Variants in COL24A1 observed in about 807,000 individuals in gnomAD.
COL24A1 encodes collagen alpha-1(XXIV) chain.
Under a neutral mutation model 253.9 loss-of-function variants are expected in COL24A1, and 224 were observed. The ratio of observed to expected loss-of-function variants is 0.88; its 90% CI spans 0.79 to 0.99. The LOEUF (loss-of-function observed/expected upper bound fraction) is 0.99. Ranked by LOEUF, COL24A1 falls within the 50% of genes least tolerant of loss-of-function variation. The probability of loss-of-function intolerance (pLI) is 0.00; values close to 1 mark genes in which losing one functional copy is unlikely to be tolerated. For missense variants in COL24A1, 2,131 were observed against 2,068.5 expected, an observed-to-expected ratio of 1.03 and a Z score of -0.59; for synonymous variants, 685 against 673.7, an observed-to-expected ratio of 1.02 and a Z score of -0.26.
intron 32 of COL24A1, among the ~76,000 whole-genome samples, chr1:85,877,722 G>A (rs572851429): frequency 5.4e-4 from 82 of 152,186 alleles, no homozygotes; most frequent in African/African-American, 1.9e-3. Flanking sequence ...GAAAAGAGTG[G>A]CATTCATTCT....
intron 43 of COL24A1, among the ~76,000 whole-genome samples, chr1:85,837,525 C>T (rs150412821): frequency 1.7e-3 from 262 of 152,158 alleles, no homozygotes; most frequent in African/African-American, 5.6e-3. Flanking sequence ...TTATTAAAAG[C>T]TTATTATGTA....
At position 85,953,306 on chromosome 1, in the gene COL24A1, T is replaced by G. The variant is rs1386935552; in HGVS notation, c.2562+7943A>C. On this transcript the variant is annotated intron_variant, in intron 24 of 59. Transcript: ENST00000370571. ...CTGCCATTTCCTCGAAAGTTGTGAT[T>G]AACACTTTATAATATCCCTACCTAA... Among the ~76,000 whole-genome samples the G allele has an allele frequency of 3.9e-5, 6 of 152,304 alleles. No individual in the cohort carries two copies. The East Asian group carries it at 1.2e-3, about 29-fold the overall frequency.
chr1:86,061,263 G>C (rs922129995), intron 8 of COL24A1, among the ~76,000 whole-genome samples: 4 of 151,954 alleles, frequency 2.6e-5, no homozygotes, highest in African/African-American at 9.7e-5. Flanking sequence ...CTTCCTATAT[G>C]CCCCATCCAA....
intron 43 of COL24A1, among the ~76,000 whole-genome samples, chr1:85,834,103 A>G (rs1256287480): frequency 6.6e-6 from 1 of 152,030 alleles, no homozygotes; most frequent in Non-Finnish European, 1.5e-5. Context: ...GTACCCTAAA[A>G]CTTAAAGTAT....
chr1:85,874,409 C>G (rs925385720), intron 35 of COL24A1, among the ~76,000 whole-genome samples: 1 of 152,118 alleles, frequency 6.6e-6, no homozygotes, highest in Non-Finnish European at 1.5e-5. Flanking sequence ...GGTAAGGGTT[C>G]TGCAAAGTAT....
At chr1:85,836,205 G>A (rs313705) in intron 43 of COL24A1, among the ~76,000 whole-genome samples, 57,153 of 151,968 alleles carry the variant, frequency 0.38, 11,746 homozygotes, top group East Asian at 0.58. Context: ...CCCGTGTTAC[G>A]TATAATTTAT....
intron 19 of COL24A1, among the ~76,000 whole-genome samples, chr1:86,005,597 A>G (rs1020779970): frequency 6.6e-6 from 1 of 152,120 alleles, no homozygotes; most frequent in African/African-American, 2.4e-5. Context: ...CAGAGAAGAA[A>G]TAACAGACCT....
intron 5 of COL24A1, among the ~76,000 whole-genome samples, chr1:86,105,185 G>A (rs1383610119): frequency 1.3e-5 from 2 of 152,184 alleles, no homozygotes; most frequent in African/African-American, 4.8e-5. Flanking sequence ...GGCTCCAGCT[G>A]CAATAGCGGT....
intron 57 of COL24A1, among the ~76,000 whole-genome samples, chr1:85,741,302 T>A (rs1158075691): frequency 6.6e-6 from 1 of 152,164 alleles, no homozygotes; most frequent in Non-Finnish European, 1.5e-5. Context: ...GTTGATTGTG[T>A]GCTGGGCACT....
At chr1:86,156,106 CA>C in intron 1 of COL24A1, 1 of 402,374 alleles carries the variant, frequency 2.5e-6, no homozygotes. Flanking sequence ...CCTCTCGAGC[CA>C]AAAGATCGCT....
At chr1:85,784,194 T>C (rs756197507) in intron 49 of COL24A1, 28 bp from the exon 50 acceptor site, 57 of 1,612,472 alleles carry the variant, frequency 3.5e-5, no homozygotes, top group Non-Finnish European at 4.6e-5. Context: ...ATGATAATAA[T>C]TATTGTACAA....
intron 19 of COL24A1, among the ~76,000 whole-genome samples, chr1:86,007,112 G>T (rs555760488): frequency 6.6e-6 from 1 of 152,036 alleles, no homozygotes; most frequent in African/African-American, 2.4e-5. Context: ...CTACTCAGGC[G>T]GCTGAGGTGG....
intron 53 of COL24A1, among the ~76,000 whole-genome samples, chr1:85,767,597 C>T (rs1341163602): frequency 6.6e-6 from 1 of 151,262 alleles, no homozygotes; most frequent in Non-Finnish European, 1.5e-5. Context: ...ATCAGTTACT[C>T]AACAATAAAA....
At chr1:85,960,420 A>G (rs917651056) in intron 24 of COL24A1, among the ~76,000 whole-genome samples, 2 of 152,184 alleles carry the variant, frequency 1.3e-5, no homozygotes, top group Non-Finnish European at 2.9e-5. Flanking sequence ...CAAATACAAC[A>G]TGAAGCCTGT....
intron 2 of COL24A1, among the ~76,000 whole-genome samples, chr1:86,136,799 G>A (rs961241978): frequency 3.3e-5 from 5 of 152,108 alleles, no homozygotes; most frequent in African/African-American, 1.2e-4. Flanking sequence ...TCTCAGTGGG[G>A]AATACTCTCT....
At chr1:85,903,374 C>T (rs75739884) in intron 28 of COL24A1, among the ~76,000 whole-genome samples, 2,115 of 152,198 alleles carry the variant, frequency 0.014, 47 homozygotes, top group African/African-American at 0.047. Context: ...TTAAATTTCA[C>T]GCTGATATTG....
chr1:85,944,421 T>C (rs1038489700), intron 24 of COL24A1, among the ~76,000 whole-genome samples: 3 of 152,204 alleles, frequency 2.0e-5, no homozygotes, highest in African/African-American at 7.2e-5. Flanking sequence ...GTGTTTTTTA[T>C]GTTTCTCAAA....
intron 7 of COL24A1, 64 bp from the exon 8 acceptor site, chr1:86,063,823 A>G (rs1347286875): frequency 6.4e-6 from 8 of 1,255,170 alleles, no homozygotes; most frequent in African/African-American, 4.6e-5. Context: ...ATAACGAAAC[A>G]TAGGTTGCAA....
chr1:86,067,575 A>G (rs1470278497), intron 7 of COL24A1, among the ~76,000 whole-genome samples: 11 of 152,214 alleles, frequency 7.2e-5, no homozygotes, highest in Non-Finnish European at 1.5e-4. Flanking sequence ...CTATGTATTT[A>G]ATATGGTAAC....
Sources: gnomAD v4.1 joint callset for allele counts (sites outside exome capture counted in the v4.1 genomes callset) on GRCh38, gnomAD v4.1.1 for gene constraint, MANE v1.5 for transcripts, NCBI Gene and HGNC (gene_info 2026-07-23, HGNC 2026-07-21) for gene names.